KLRC1: variants seen among roughly 807,000 people sequenced by gnomAD.
The protein encoded by KLRC1 is killer cell lectin like receptor C1.
Under a neutral mutation model 25.9 loss-of-function variants are expected in KLRC1, and 22 were observed. That is an observed-to-expected ratio of 0.85 (90% CI 0.61 to 1.21). KLRC1 has a LOEUF of 1.21. KLRC1 is among the 50% of genes most tolerant of loss of function. The probability of loss-of-function intolerance (pLI) is 0.00; values close to 1 mark genes in which losing one functional copy is unlikely to be tolerated. For missense variants in KLRC1, 240 were observed against 272.2 expected (o/e 0.88, Z 0.83); for synonymous variants, 77 against 93.1 (o/e 0.83, Z 0.99).
intron 3 of KLRC1, 59 bp downstream of exon 3, chr12:10,450,425 G>C (rs1263246420): frequency 3.4e-6 from 3 of 890,986 alleles, no homozygotes; most frequent in Non-Finnish European, 5.5e-6. Context: ...GAAATGTTTA[G>C]AGGCACATTC....
Position 10,450,839 on chromosome 12 carries a change from C to A in KLRC1, c.187+131G>T. On this transcript the variant is annotated intron_variant, in intron 2 of 6. Transcript: ENST00000359151. ...GTCTTCATACTTTACATTGAAATAGCATATCTCAACTTGGAATTCTGATCT... is the reference window on the plus strand; with the variant it reads ...GTCTTCATACTTTACATTGAAATAGAATATCTCAACTTGGAATTCTGATCT... 5.5e-6 allele frequency: 4 copies of A among 724,836 alleles called. No homozygotes were observed. The South Asian group carries it at 7.6e-5, about 14-fold the overall frequency. 44.9% of individuals were successfully genotyped at this position (724,836 alleles called of 1,614,324 possible). A position where few individuals can be genotyped will look rare whatever the true frequency, so the allele number is the denominator to read the frequency against.
In KLRC1 at chr12:10,451,114, G is replaced by A. The variant is rs764109143; in HGVS notation, c.43C>T (p.Pro15Ser). 3 of 1,613,950 alleles carry A rather than the reference G, an allele frequency of 1.9e-6. No homozygotes were observed. The South Asian group carries it at 3.3e-5, about 18-fold the overall frequency. ...TTTCGTTGCTGCCTCTTTGGGTTTG[G>A]GGGCAGATTCAGGTCTGAGTAGATT... is the stretch of plus-strand genomic sequence containing the variant. ...GVIYSDLNLP[P>S]NPKRQQRKPK... Residue 15 changes from proline (P) to serine (S), a missense_variant, in exon 2 of 7, where the codon CCA (proline) becomes TCA (serine). Pro to Ser is a moderately conservative substitution (Grantham distance 74). Transcript: ENST00000359151.
At chr12:10,447,467 T>C in intron 6 of KLRC1, 65 bp downstream of exon 6, 1 of 1,280,456 alleles carries the variant, frequency 7.8e-7, no homozygotes. Context: ...GATTTATTCA[T>C]ATTATTCTTC....
intron 6 of KLRC1, among the ~76,000 whole-genome samples, chr12:10,447,067 G>T (rs1334226418): frequency 6.6e-6 from 1 of 152,162 alleles, no homozygotes; most frequent in Non-Finnish European, 1.5e-5. Context: ...AGTAAGTGTG[G>T]CTTTTTAATA....
At chr12:10,444,057 T>C (rs371216914), downstream of KLRC1, among the ~76,000 whole-genome samples, 5 of 135,598 alleles carry the variant, frequency 3.7e-5, 1 homozygote, top group Non-Finnish European at 6.3e-5. Flanking sequence ...ATTATCAAAA[T>C]GAATGGTCAC....
chr12:10,451,281 C>A, intron 1 of KLRC1, 94 bp from the exon 2 acceptor site: 1 of 596,236 alleles, frequency 1.7e-6, no homozygotes, highest in East Asian at 3.3e-5. Context: ...AGTATTGGAG[C>A]TCATTTTGCA....
chr12:10,450,686 T>G, intron 2 of KLRC1, 107 bp from the exon 3 acceptor site: 3 of 729,202 alleles, frequency 4.1e-6, no homozygotes, highest in Non-Finnish European at 7.0e-6. Flanking sequence ...CAGAGAAACT[T>G]GGACCCCAAA....
chr12:10,452,445 T>C (rs937984650), intron 1 of KLRC1, among the ~76,000 whole-genome samples: 1 of 152,178 alleles, frequency 6.6e-6, no homozygotes, highest in African/African-American at 2.4e-5. Context: ...AAAGTTATTC[T>C]ATTTTTAATA....
Position 10,449,407 on chromosome 12 carries a change from T to C in KLRC1, c.338-19A>G, listed in dbSNP as rs1308606681. 6.2e-7 allele frequency: 1 copy of C among 1,612,272 alleles called. No homozygotes were observed. The highest frequency in any genetic ancestry group is 8.5e-7 in the Non-Finnish European group (1 of 1,179,166). ...TGACGTGCTAAATAAAGATATGAATTACTATCTAGACCAATATGAATTTTT... is the reference window on the plus strand; with the variant it reads ...TGACGTGCTAAATAAAGATATGAATCACTATCTAGACCAATATGAATTTTT... On this transcript the variant is annotated intron_variant, in intron 4 of 6. Coordinates refer to ENST00000359151, the MANE Select transcript of KLRC1 (RefSeq NM_002259.5).
Position 10,451,188 on chromosome 12 carries a change from CTA to C in KLRC1, c.-31-3_-31-2del. ...AGTGTGTGATGTCAGGGACTGTACT[CTA>C]TAATAACAGTAGTTAAGAAGTTAAT... On this transcript the variant is annotated splice_acceptor_variant and splice_polypyrimidine_tract_variant and intron_variant, in intron 1 of 6. Coordinates refer to ENST00000359151, the MANE Select transcript of KLRC1 (RefSeq NM_002259.5). LOFTEE classifies it low-confidence loss of function (5UTR_SPLICE). 2 of 1,537,506 alleles carry C rather than the reference CTA, an allele frequency of 1.3e-6. No homozygotes were observed. The highest frequency in any genetic ancestry group is 1.8e-6 in the Non-Finnish European group (2 of 1,139,824).
chr12:10,450,232 G>T (rs1864093102), intron 3 of KLRC1: 1 of 439,028 alleles, frequency 2.3e-6, no homozygotes, highest in African/African-American at 2.1e-5. Flanking sequence ...TCTCAGTAAG[G>T]TTTTTCAGAC....
At chr12:10,451,239 C>A in intron 1 of KLRC1, 52 bp from the exon 2 acceptor site, 2 of 1,103,802 alleles carry the variant, frequency 1.8e-6, no homozygotes, top group South Asian at 2.9e-5. Context: ...ACAGGATTCC[C>A]TAGTGCAATT....
Position 10,446,491 on chromosome 12 carries a change from A to ATTATAT in KLRC1, c.*59_*60insATATAA. The ATTATAT allele has an allele frequency of 6.6e-7, 1 of 1,523,962 alleles. No homozygotes were observed. The highest frequency in any genetic ancestry group is 1.2e-5 in the South Asian group (1 of 80,522). The allele number at this position is 1,523,962 out of a possible 1,614,324, so 94.4% of individuals were successfully genotyped here. A position where few individuals can be genotyped will look rare whatever the true frequency, so the allele number is the denominator to read the frequency against. On this transcript the variant is annotated 3_prime_UTR_variant, in exon 7 of 7. Transcript: ENST00000359151. ...TTTAAGATTTATGCAATCATAATAT[A>ATTATAT]TTTCTATTTTAAGAAATATACAATT...
intron 6 of KLRC1, 110 bp downstream of exon 6, chr12:10,447,422 T>G: frequency 1.0e-6 from 1 of 982,398 alleles, no homozygotes; most frequent in Non-Finnish European, 1.5e-6. Context: ...TTCACTAACT[T>G]TCCACATCTT....
intron 5 of KLRC1, among the ~76,000 whole-genome samples, chr12:10,448,774 T>C (rs1399525151): frequency 6.6e-6 from 1 of 152,196 alleles, no homozygotes; most frequent in Non-Finnish European, 1.5e-5. Flanking sequence ...TCCCTTTATA[T>C]AAATTCAAAA....
chr12:10,447,773 A>G (rs1864024336), intron 5 of KLRC1, 141 bp from the exon 6 acceptor site: 4 of 647,830 alleles, frequency 6.2e-6, no homozygotes, highest in Non-Finnish European at 7.8e-6. Context: ...GAACCCGTCA[A>G]TGTTTATACT....
chr12:10,450,022 T>C, intron 3 of KLRC1, 55 bp from the exon 4 acceptor site: 1 of 1,234,028 alleles, frequency 8.1e-7, no homozygotes. Context: ...TCAATCATAA[T>C]AATTTTAAGT....
rs760936918 is a variant in KLRC1, at chr12:10,450,583, C to T, written c.188-4G>A. On this transcript the variant is annotated splice_region_variant and splice_polypyrimidine_tract_variant and intron_variant, in intron 2 of 6. Transcript: ENST00000359151. ...TTCTCTGGAGCTGATGGTAAATCTG[C>T]AGGGAGAGAAATGGGAACAGTGCGA... 6 of 1,580,750 alleles carry T rather than the reference C, an allele frequency of 3.8e-6. No individual in the cohort carries two copies. Among genetic ancestry groups the T allele is most frequent in the South Asian group, 2.2e-5 (2 of 90,324 alleles).
chr12:10,450,047 T>G, intron 3 of KLRC1, 80 bp from the exon 4 acceptor site: 1 of 1,117,150 alleles, frequency 9.0e-7, no homozygotes, highest in Non-Finnish European at 1.2e-6. Flanking sequence ...GTTTGAATTT[T>G]TTTGTATTAT....
Sources: gnomAD v4.1 joint callset for allele counts (sites outside exome capture counted in the v4.1 genomes callset) on GRCh38, gnomAD v4.1.1 for gene constraint, MANE v1.5 for transcripts, NCBI Gene and HGNC (gene_info 2026-07-23, HGNC 2026-07-21) for gene names.